CNTN3: variants seen among roughly 807,000 people sequenced by gnomAD.
CNTN3 encodes the protein contactin-3.
Under a neutral mutation model 119.1 loss-of-function variants are expected in CNTN3, and 60 were observed. The ratio of observed to expected loss-of-function variants is 0.50; its 90% CI spans 0.41 to 0.62. The LOEUF is 0.62. CNTN3 is among the 20% of genes least tolerant of loss of function. The pLI, the probability that CNTN3 is intolerant of heterozygous loss-of-function variation, is 0.00. For missense variants in CNTN3, 1,101 were observed against 1,242.4 expected (o/e 0.89, Z 1.71); for synonymous variants, 450 against 438.7 (o/e 1.03, Z -0.32).
intron 5 of CNTN3, among the ~76,000 whole-genome samples, chr3:74,413,999 T>C (rs963096148): frequency 1.3e-5 from 2 of 152,078 alleles, no homozygotes; most frequent in Non-Finnish European, 2.9e-5. Flanking sequence ...GCAGTGCCTG[T>C]GAGGATCAAA....
chr3:74,555,403 G>A (rs531338976), intron 1 of CNTN3, among the ~76,000 whole-genome samples: 2 of 152,224 alleles, frequency 1.3e-5, no homozygotes, highest in Middle Eastern at 3.4e-3. Flanking sequence ...GTCAGGCTTT[G>A]GTATCAGGAT....
chr3:74,383,395 G>A (rs1704670239), intron 5 of CNTN3, among the ~76,000 whole-genome samples: 1 of 152,082 alleles, frequency 6.6e-6, no homozygotes, highest in East Asian at 1.9e-4. Context: ...TGAATGAGAG[G>A]CATCCTGATG....
Position 74,361,911 on chromosome 3 carries a change from A to T in CNTN3, c.1343T>A (p.Val448Glu). Residue 448 changes from valine to glutamate, a missense_variant, in exon 11 of 23, where the codon GTG becomes GAG. Val to Glu is a moderately radical substitution (Grantham distance 121). Transcript: ENST00000263665. ...RALSSWKKGD[V>E]SVQEHERISL... ...ATACCTTTCATGCTCCTGCACGCTC[A>T]CATCCCCCTTCTTCCAGGAAGAGAG... 3 of 1,613,218 alleles carry T rather than the reference A, an allele frequency of 1.9e-6. No homozygotes were observed. Among genetic ancestry groups the T allele is most frequent in the Non-Finnish European group, 2.5e-6 (3 of 1,179,526 alleles).
intron 5 of CNTN3, among the ~76,000 whole-genome samples, chr3:74,387,292 A>G (rs1704775288): frequency 6.6e-6 from 1 of 152,206 alleles, no homozygotes; most frequent in South Asian, 2.1e-4. Flanking sequence ...ACAACTGACT[A>G]AATTGTATAT....
chr3:74,325,801 C>T (rs758037866), intron 13 of CNTN3, among the ~76,000 whole-genome samples: 44 of 152,220 alleles, frequency 2.9e-4, no homozygotes, highest in African/African-American at 1.0e-3. Flanking sequence ...AGGTTTCAAA[C>T]GCTGACATTC....
At position 74,302,691 on chromosome 3, in the gene CNTN3, T is replaced by G; in HGVS notation, c.1785A>C (p.Arg595Ser). The change falls in exon 14 of 23, where the codon AGA (arginine) becomes AGC (serine). Residue 595 changes from arginine (R) to serine (S), a missense_variant and splice_region_variant. Physicochemically the swap from Arg to Ser is moderately radical, Grantham distance 110. Transcript: ENST00000263665. ...SVSSAADLIV[R>S]GSPGPPENVK... Reference sequence around the variant, plus strand: ...CTCAAGGGGGCATAAATGTTTTACCTCTTACTATGAGGTCAGCAGCAGATG... The same window carrying G: ...CTCAAGGGGGCATAAATGTTTTACCGCTTACTATGAGGTCAGCAGCAGATG... The G allele has an allele frequency of 6.3e-7, 1 of 1,594,850 alleles. No individual in the cohort carries two copies. The highest frequency in any genetic ancestry group is 1.1e-5 in the South Asian group (1 of 90,350).
At chr3:74,550,531 T>G (rs748836670) in intron 1 of CNTN3, among the ~76,000 whole-genome samples, 11 of 152,212 alleles carry the variant, frequency 7.2e-5, no homozygotes, top group South Asian at 2.1e-4. Flanking sequence ...CCTGTTGTTG[T>G]TGTTGGTGTT....
chr3:74,309,099 TTTA>T (rs1421673557), intron 13 of CNTN3, among the ~76,000 whole-genome samples: 4 of 151,730 alleles, frequency 2.6e-5, no homozygotes, highest in African/African-American at 9.7e-5. Context: ...TTATTTATTA[TTTA>T]TTATTTATTT....
intron 20 of CNTN3, among the ~76,000 whole-genome samples, chr3:74,271,523 G>A (rs890986756): frequency 2.0e-5 from 3 of 152,126 alleles, no homozygotes; most frequent in African/African-American, 7.2e-5. Context: ...GTCTCATAGT[G>A]GTAACAGTGA....
chr3:74,589,889 T>C lies in CNTN3; in HGVS notation c.-81+24502A>G, dbSNP rs552113210. Among the ~76,000 whole-genome samples, 140 of 142,512 alleles carry C rather than the reference T, an allele frequency of 9.8e-4. 1 individual carries two copies. The Middle Eastern group carries it at 0.034, about 34-fold the overall frequency. 93.5% of individuals were successfully genotyped at this position (142,512 alleles called of 152,430 possible). A position where few individuals can be genotyped will look rare whatever the true frequency, so the allele number is the denominator to read the frequency against. On this transcript the variant is annotated intron_variant, in intron 1 of 22. Transcript: ENST00000263665. ...ACCAAACACCACATGTTCTCACTCATGGATGGGAATTGTACAATGAGAACA... is the reference window on the plus strand; with the variant it reads ...ACCAAACACCACATGTTCTCACTCACGGATGGGAATTGTACAATGAGAACA...
intron 3 of CNTN3, among the ~76,000 whole-genome samples, chr3:74,492,513 T>C (rs1702982808): frequency 2.0e-5 from 3 of 152,190 alleles, no homozygotes; most frequent in Non-Finnish European, 2.9e-5. Flanking sequence ...CACCTATAAA[T>C]GAATTTGAAT....
At chr3:74,561,507 T>C (rs374659504) in intron 1 of CNTN3, among the ~76,000 whole-genome samples, 3 of 152,146 alleles carry the variant, frequency 2.0e-5, no homozygotes, top group East Asian at 3.9e-4. Flanking sequence ...TTGCACTTGT[T>C]GAAGTCTATC....
At chr3:74,449,113 T>C (rs981727706) in intron 4 of CNTN3, among the ~76,000 whole-genome samples, 2 of 152,026 alleles carry the variant, frequency 1.3e-5, no homozygotes, top group Non-Finnish European at 2.9e-5. Flanking sequence ...CTCAGGTCTT[T>C]ACAGAAGCCC....
intron 4 of CNTN3, among the ~76,000 whole-genome samples, chr3:74,482,522 A>G (rs76936904): frequency 0.12 from 18,930 of 152,100 alleles, 1,196 homozygotes; most frequent in Non-Finnish European, 0.13. Flanking sequence ...ACTATTTTCA[A>G]GCCACTCGAA....
At chr3:74,308,938 A>G (rs1233739614) in intron 13 of CNTN3, among the ~76,000 whole-genome samples, 1 of 152,192 alleles carries the variant, frequency 6.6e-6, no homozygotes, top group African/African-American at 2.4e-5. Flanking sequence ...AGAAAATTAT[A>G]TAAATAGACA....
At chr3:74,584,004 T>G (rs1381653650) in intron 1 of CNTN3, among the ~76,000 whole-genome samples, 1 of 152,144 alleles carries the variant, frequency 6.6e-6, no homozygotes, top group African/African-American at 2.4e-5. Flanking sequence ...GCTTTTTCAT[T>G]TGGACAAATG....
Position 74,302,708 on chromosome 3 carries a change from C to T in CNTN3, c.1768G>A (p.Ala590Thr). ...QTGVDSVSSA[A>T]DLIVRGSPGP... ...GTTTTACCTCTTACTATGAGGTCAG[C>T]AGCAGATGAAACACTGTCCACCCCC... Residue 590 changes from alanine to threonine, a missense_variant, in exon 14 of 23, where the codon GCT becomes ACT. Transcript: ENST00000263665. 1.2e-6 allele frequency: 2 copies of T among 1,610,356 alleles called. No individual in the cohort carries two copies. The highest frequency in any genetic ancestry group is 1.7e-5 in the Admixed American group (1 of 59,920).
At chr3:74,578,372 C>A (rs956358667) in intron 1 of CNTN3, among the ~76,000 whole-genome samples, 4 of 152,014 alleles carry the variant, frequency 2.6e-5, no homozygotes, top group Non-Finnish European at 5.9e-5. Context: ...TAAGGAGATT[C>A]TTGTGCAATG....
chr3:74,331,627 A>G (rs1029126175), intron 13 of CNTN3, among the ~76,000 whole-genome samples: 7 of 152,174 alleles, frequency 4.6e-5, no homozygotes, highest in African/African-American at 1.2e-4. Flanking sequence ...ACCTCTTCCG[A>G]AACTGAACCA....
Sources: gnomAD v4.1 joint callset for allele counts (sites outside exome capture counted in the v4.1 genomes callset) on GRCh38, gnomAD v4.1.1 for gene constraint, MANE v1.5 for transcripts, NCBI Gene and HGNC (gene_info 2026-07-23, HGNC 2026-07-21) for gene names.